TMEM135: variants seen among roughly 807,000 people sequenced by gnomAD.
TMEM135 encodes the protein peroxisomal membrane protein 52.
A neutral mutation model predicts 60.3 loss-of-function variants in TMEM135; 30 were observed. That is an observed-to-expected ratio of 0.50 (90% CI 0.37 to 0.68). The LOEUF is 0.68. Among genes scored for constraint, TMEM135 ranks in the 30% least tolerant of loss-of-function variants. The probability of loss-of-function intolerance (pLI) is 0.00; values close to 1 mark genes in which losing one functional copy is unlikely to be tolerated. For missense variants in TMEM135, 468 were observed against 548.8 expected, an observed-to-expected ratio of 0.85 and a Z score of 1.47; for synonymous variants, 190 against 186.7, an observed-to-expected ratio of 1.02 and a Z score of -0.14.
intron 5 of TMEM135, among the ~76,000 whole-genome samples, chr11:87,198,989 A>G (rs896690134): frequency 6.6e-6 from 1 of 152,194 alleles, no homozygotes; most frequent in Non-Finnish European, 1.5e-5. Context: ...ACAAAATGCC[A>G]TGGAAATTTA....
At chr11:87,208,463 A>G (rs1287558731) in intron 5 of TMEM135, among the ~76,000 whole-genome samples, 1 of 152,186 alleles carries the variant, frequency 6.6e-6, no homozygotes, top group Non-Finnish European at 1.5e-5. Context: ...TGAGGAAAGA[A>G]TTGAAGAGCT....
intron 4 of TMEM135, among the ~76,000 whole-genome samples, chr11:87,140,358 C>T (rs746375708): frequency 1.5e-4 from 23 of 152,188 alleles, no homozygotes; most frequent in East Asian, 1.9e-4. Context: ...TGAGCCACCA[C>T]GCCCAGCTGC....
intron 4 of TMEM135, among the ~76,000 whole-genome samples, chr11:87,153,582 C>T (rs777635326): frequency 1.3e-5 from 2 of 152,156 alleles, no homozygotes; most frequent in African/African-American, 2.4e-5. Context: ...ATCCCTTCTA[C>T]CTCATTGTTA....
Position 87,302,364 on chromosome 11 carries a change from A to T in TMEM135, c.620A>T (p.Glu207Val). The T allele has an allele frequency of 1.2e-6, 2 of 1,613,944 alleles. No homozygotes were observed. Among genetic ancestry groups the T allele is most frequent in the Non-Finnish European group, 1.7e-6 (2 of 1,179,934 alleles). ...CCAGAGGCAGCATATGCAAAAGTGG[A>T]ACAAAAGAGAGAGCAACATGAGGAA... Reference protein sequence around the residue: ...FSPEAAYAKVEQKREQHEEKP... With the variant: ...FSPEAAYAKVVQKREQHEEKP... The change falls in exon 8 of 15, where the codon GAA becomes GTA. Residue 207 changes from glutamate (E) to valine (V), a missense_variant. Transcript: ENST00000305494.
intron 3 of TMEM135, among the ~76,000 whole-genome samples, chr11:87,083,383 T>C (rs1392731249): frequency 6.6e-6 from 1 of 152,228 alleles, no homozygotes; most frequent in African/African-American, 2.4e-5. Flanking sequence ...TCTGATGGAT[T>C]TTGTTTTGTA....
intron 1 of TMEM135, among the ~76,000 whole-genome samples, chr11:87,045,569 G>T (rs1949788877): frequency 6.6e-6 from 1 of 152,198 alleles, no homozygotes; most frequent in Non-Finnish European, 1.5e-5. Context: ...TTGGTAGAAA[G>T]AGACCCACCT....
intron 9 of TMEM135, among the ~76,000 whole-genome samples, chr11:87,308,597 G>T (rs973436238): frequency 2.6e-5 from 4 of 151,778 alleles, no homozygotes; most frequent in Admixed American, 2.6e-4. Context: ...TCCAATTCCA[G>T]TCAGAGTTAG....
chr11:87,236,361 TA>T (rs1283369830), intron 5 of TMEM135, among the ~76,000 whole-genome samples: 1 of 151,198 alleles, frequency 6.6e-6, no homozygotes, highest in East Asian at 1.9e-4. Context: ...GTTGATGAAC[TA>T]AAAAAAAATT....
chr11:87,312,590 A>G (rs1469486880), intron 10 of TMEM135, among the ~76,000 whole-genome samples: 1 of 151,960 alleles, frequency 6.6e-6, no homozygotes, highest in African/African-American at 2.4e-5. Context: ...ACAGTCTGAA[A>G]GCAGCTATAG....
At chr11:87,161,465 A>G (rs1938876443) in intron 5 of TMEM135, among the ~76,000 whole-genome samples, 1 of 152,170 alleles carries the variant, frequency 6.6e-6, no homozygotes, top group South Asian at 2.1e-4. Flanking sequence ...CTTTTCTCAT[A>G]TAACTTGAGA....
At chr11:87,067,881 G>A in intron 2 of TMEM135, 60 bp downstream of exon 2, 1 of 1,587,174 alleles carries the variant, frequency 6.3e-7, no homozygotes, top group Non-Finnish European at 8.6e-7. Context: ...ATGGAAACAA[G>A]TATGTGTTTA....
rs557856316 is a variant in TMEM135, at chr11:87,117,427, A to G, written c.396+26032A>G. On this transcript the variant is annotated intron_variant, in intron 4 of 14. Coordinates refer to ENST00000305494, the MANE Select transcript of TMEM135 (RefSeq NM_022918.4). ...ACAATTTCTTTTAAAATTGGAGTCAATTCTCTCAAGCACTGCTGCTGCTTT... is the reference window on the plus strand; with the variant it reads ...ACAATTTCTTTTAAAATTGGAGTCAGTTCTCTCAAGCACTGCTGCTGCTTT... Among the ~76,000 whole-genome samples the G allele has an allele frequency of 1.4e-4, 22 of 152,350 alleles. No individual in the cohort carries two copies. In the South Asian group the frequency reaches 2.3e-3, roughly 16 times the overall value.
intron 5 of TMEM135, among the ~76,000 whole-genome samples, chr11:87,224,519 G>A (rs1166467758): frequency 6.6e-6 from 1 of 151,980 alleles, no homozygotes; most frequent in Admixed American, 6.6e-5. Flanking sequence ...TGTCTCAGGA[G>A]GAAAAACATA....
At chr11:87,046,629 G>T (rs539141107) in intron 1 of TMEM135, among the ~76,000 whole-genome samples, 3 of 152,148 alleles carry the variant, frequency 2.0e-5, no homozygotes, top group Admixed American at 1.3e-4. Context: ...GAAATGCAGG[G>T]GTAGAGAGAA....
At chr11:87,196,029 T>C (rs1591095035) in intron 5 of TMEM135, among the ~76,000 whole-genome samples, 2 of 152,092 alleles carry the variant, frequency 1.3e-5, no homozygotes, top group Non-Finnish European at 2.9e-5. Context: ...ACATAGTATC[T>C]GTGCGAGACT....
At chr11:87,255,217 G>A (rs761933903) in intron 6 of TMEM135, among the ~76,000 whole-genome samples, 2 of 152,148 alleles carry the variant, frequency 1.3e-5, no homozygotes, top group Non-Finnish European at 1.5e-5. Flanking sequence ...GCAGGTAGGG[G>A]TCGGAAGAAG....
chr11:87,171,368 A>C (rs1374637531), intron 5 of TMEM135, among the ~76,000 whole-genome samples: 1 of 151,116 alleles, frequency 6.6e-6, no homozygotes, highest in Non-Finnish European at 1.5e-5. Flanking sequence ...CATTTCCCTG[A>C]GAATTTGTGA....
At chr11:87,195,409 C>CTT (rs1939930657) in intron 5 of TMEM135, among the ~76,000 whole-genome samples, 1 of 137,596 alleles carries the variant, frequency 7.3e-6, no homozygotes, top group Non-Finnish European at 1.5e-5. Flanking sequence ...CTCTCTCTCT[C>CTT]TGTTTCTCTC....
chr11:87,258,984 G>A lies in TMEM135; in HGVS notation c.509+22300G>A, dbSNP rs1591147134. The A allele has an allele frequency of 2.0e-6, 3 of 1,529,456 alleles. No individual in the cohort carries two copies. The African/African-American group carries it at 4.1e-5, about 21-fold the overall frequency. 94.7% of individuals were successfully genotyped at this position (1,529,456 alleles called of 1,614,324 possible). ...GCATCTTCTCAGTCTCAAAGACAAC[G>A]GGAAGAACCAGGATCATAAAGGAAG... On this transcript the variant is annotated intron_variant, in intron 6 of 14. Transcript: ENST00000305494.
Sources: gnomAD v4.1 joint callset for allele counts (sites outside exome capture counted in the v4.1 genomes callset) on GRCh38, gnomAD v4.1.1 for gene constraint, MANE v1.5 for transcripts, NCBI Gene and HGNC (gene_info 2026-07-23, HGNC 2026-07-21) for gene names.